Variants in PDE4D observed in about 807,000 individuals in gnomAD.
PDE4D encodes the protein phosphodiesterase 4D, also known as 3',5'-cyclic-AMP phosphodiesterase 4D.
PDE4D carries 24 observed loss-of-function variants against 87.4 expected under a neutral mutation model. The ratio of observed to expected loss-of-function variants is 0.27; its 90% CI spans 0.20 to 0.39. The LOEUF is 0.39. PDE4D is among the 10% of genes least tolerant of loss of function. The probability of loss-of-function intolerance (pLI) is 1.00; values close to 1 mark genes in which losing one functional copy is unlikely to be tolerated. For synonymous variants in PDE4D, 384 were observed against 383.2 expected, an observed-to-expected ratio of 1.00 and a Z score of -0.02; for missense variants, 714 against 1,041.0, an observed-to-expected ratio of 0.69 and a Z score of 4.32.
chr5:60,337,353 ATATATATATATAT>A (rs1757874023), intron 1 of PDE4D, among the ~76,000 whole-genome samples: 4 of 86,264 alleles, frequency 4.6e-5, no homozygotes, highest in Admixed American at 2.4e-4. Flanking sequence ...CAAACAAACT[ATATATATATATAT>A]ATATATATAT....
chr5:59,002,829 G>C (rs1447341654), intron 6 of PDE4D, among the ~76,000 whole-genome samples: 16 of 152,254 alleles, frequency 1.1e-4, no homozygotes, highest in Admixed American at 9.8e-4. Flanking sequence ...GGTTTGAAGT[G>C]ATTTCTTACA....
At chr5:60,209,918 T>A (rs980126425) in intron 1 of PDE4D, among the ~76,000 whole-genome samples, 4 of 152,242 alleles carry the variant, frequency 2.6e-5, no homozygotes, top group Non-Finnish European at 5.9e-5. Flanking sequence ...GAAACCTTGC[T>A]AAGTAAGTAA....
Position 58,972,488 on chromosome 5 carries a change from A to G in PDE4D, c.*2176T>C, listed in dbSNP as rs1236882705. On this transcript the variant is annotated 3_prime_UTR_variant, in exon 15 of 15. Coordinates refer to ENST00000340635, the MANE Select transcript of PDE4D (RefSeq NM_001104631.2). ...GGGGACTGAAATGGGGACTCTCTTCAGCATGAGTCATTTGCCTGGCTGATG... is the reference window on the plus strand; with the variant it reads ...GGGGACTGAAATGGGGACTCTCTTCGGCATGAGTCATTTGCCTGGCTGATG... 47 of 152,468 alleles carry G rather than the reference A, an allele frequency of 3.1e-4. No homozygotes were observed. Among genetic ancestry groups the G allele is most frequent in the Non-Finnish European group, 5.9e-5 (4 of 68,010 alleles). The allele number at this position is 152,468 out of a possible 1,614,324, so 9.4% of individuals were successfully genotyped here.
intron 1 of PDE4D, among the ~76,000 whole-genome samples, chr5:59,332,511 T>C (rs1000898987): frequency 5.3e-5 from 8 of 152,182 alleles, no homozygotes; most frequent in African/African-American, 2.4e-5. Context: ...CTGTATTTGA[T>C]ATAAAAAATC....
At chr5:59,436,304 T>C (rs1283754653) in intron 1 of PDE4D, among the ~76,000 whole-genome samples, 23 of 152,170 alleles carry the variant, frequency 1.5e-4, no homozygotes, top group Admixed American at 1.5e-3. Context: ...GATGTAAATA[T>C]CTTTAATGCC....
Position 59,949,209 on chromosome 5 carries a change from A to G in PDE4D, c.272+39279T>C, listed in dbSNP as rs1581868849. Among the ~76,000 whole-genome samples, 3 of 152,306 alleles carry G rather than the reference A, an allele frequency of 2.0e-5. No homozygotes were observed. The East Asian group carries it at 5.8e-4, about 30-fold the overall frequency. On this transcript the variant is annotated intron_variant, in intron 3 of 16. Transcript: ENST00000502484. ...CACTTTGGGAGGCCAAGGCGGGTGG[A>G]TCACGAGGTCAGGAAATCGAGACCA...
At chr5:59,352,557 G>A (rs1271484057) in intron 1 of PDE4D, among the ~76,000 whole-genome samples, 1 of 152,070 alleles carries the variant, frequency 6.6e-6, no homozygotes, top group Non-Finnish European at 1.5e-5. Context: ...CTCAGGTTTT[G>A]GTAGTAGCAA....
At chr5:60,177,062 T>C (rs1783976335) in intron 2 of PDE4D, among the ~76,000 whole-genome samples, 1 of 152,164 alleles carries the variant, frequency 6.6e-6, no homozygotes, top group Non-Finnish European at 1.5e-5. Flanking sequence ...TTCAGTCCTA[T>C]AGTTTTCTTT....
chr5:58,976,481 A>G lies in PDE4D; in HGVS notation c.1708-9T>C, dbSNP rs1561214229. The G allele has an allele frequency of 9.8e-6, 15 of 1,537,736 alleles. No individual in the cohort carries two copies. The highest frequency in any genetic ancestry group is 1.2e-5 in the Non-Finnish European group (14 of 1,132,516). ...ATATCTGTTGCAAGTACCTTAAAATATAGAGTATATTATTAAGTTCAGAGA... is the reference window on the plus strand; with the variant it reads ...ATATCTGTTGCAAGTACCTTAAAATGTAGAGTATATTATTAAGTTCAGAGA... On this transcript the variant is annotated splice_polypyrimidine_tract_variant and intron_variant, in intron 12 of 14. Coordinates refer to ENST00000340635, the MANE Select transcript of PDE4D (RefSeq NM_001104631.2).
intron 3 of PDE4D, among the ~76,000 whole-genome samples, chr5:59,909,535 C>T: frequency 6.6e-6 from 1 of 152,080 alleles, no homozygotes; most frequent in East Asian, 1.9e-4. Context: ...AGCGGGATTA[C>T]AGGCACACAC....
chr5:60,075,415 C>T (rs1310265178), intron 2 of PDE4D, among the ~76,000 whole-genome samples: 2 of 152,118 alleles, frequency 1.3e-5, no homozygotes, highest in African/African-American at 4.8e-5. Flanking sequence ...GGTGGCCTGT[C>T]CTTTCTCTAT....
Position 60,390,316 on chromosome 5 carries a change from C to A in PDE4D, c.-90+97626G>T, listed in dbSNP as rs1486740100. 2.6e-5 allele frequency among the ~76,000 whole-genome samples: 4 copies of A among 152,276 alleles called. No homozygotes were observed. In the East Asian group the frequency reaches 7.7e-4, roughly 29 times the overall value. ...TCTGCAGTAGTATATTAAATACGAG[C>A]CACGTGCAGCAAGAAAAAGAGGCCA... On this transcript the variant is annotated intron_variant, in intron 1 of 16. Coordinates refer to the PDE4D transcript ENST00000502484.
rs950466187 is a variant in PDE4D, at chr5:59,756,020, T to C, written c.455+137148A>G. Among the ~76,000 whole-genome samples the C allele has an allele frequency of 4.6e-5, 7 of 151,412 alleles. No individual in the cohort carries two copies. The East Asian group carries it at 1.2e-3, about 25-fold the overall frequency. On this transcript the variant is annotated intron_variant, in intron 1 of 14. Transcript: ENST00000340635. Reference sequence around the variant, plus strand: ...AAATGATATATATAATATTTAACTGTATAAAAATATTTATATTAAAATAAT... The same window carrying C: ...AAATGATATATATAATATTTAACTGCATAAAAATATTTATATTAAAATAAT...
chr5:59,874,321 A>C (rs961867667), intron 1 of PDE4D, among the ~76,000 whole-genome samples: 1 of 152,210 alleles, frequency 6.6e-6, no homozygotes, highest in African/African-American at 2.4e-5. Context: ...GAATATTCTC[A>C]TTGCATTATT....
chr5:60,382,043 AAG>A (rs1441141552), intron 1 of PDE4D, among the ~76,000 whole-genome samples: 3 of 152,186 alleles, frequency 2.0e-5, no homozygotes, highest in African/African-American at 7.2e-5. Flanking sequence ...ATATTTGCTA[AAG>A]AGTTTTTTCT....
intron 2 of PDE4D, among the ~76,000 whole-genome samples, chr5:59,997,878 T>C (rs532354311): frequency 6.6e-5 from 10 of 152,236 alleles, no homozygotes; most frequent in Non-Finnish European, 1.2e-4. Context: ...ATTCCCATGA[T>C]ACAGATTTGG....
intron 5 of PDE4D, among the ~76,000 whole-genome samples, chr5:59,085,268 T>C (rs1767458729): frequency 1.3e-5 from 2 of 152,190 alleles, no homozygotes; most frequent in Admixed American, 1.3e-4. Context: ...GTGTTCATGA[T>C]GCAATATACT....
At chr5:59,066,355 CAAG>C (rs1367064742) in intron 5 of PDE4D, among the ~76,000 whole-genome samples, 1 of 152,012 alleles carries the variant, frequency 6.6e-6, no homozygotes, top group Non-Finnish European at 1.5e-5. Context: ...TATTAGGGCA[CAAG>C]AAGAGCAAGG....
At chr5:59,122,507 C>G (rs1213513824) in intron 5 of PDE4D, among the ~76,000 whole-genome samples, 1 of 152,106 alleles carries the variant, frequency 6.6e-6, no homozygotes, top group Non-Finnish European at 1.5e-5. Context: ...GAGTTAACAA[C>G]AGGTATTGCA....
Sources: gnomAD v4.1 joint callset for allele counts (sites outside exome capture counted in the v4.1 genomes callset) on GRCh38, gnomAD v4.1.1 for gene constraint, MANE v1.5 for transcripts, NCBI Gene and HGNC (gene_info 2026-07-23, HGNC 2026-07-21) for gene names.